Variants in FAM3C observed in about 807,000 individuals in gnomAD.
FAM3C encodes the protein FAM3 metabolism regulating signaling molecule C.
A neutral mutation model predicts 32.5 loss-of-function variants in FAM3C; 15 were observed. The ratio of observed to expected loss-of-function variants is 0.46; its 90% CI spans 0.31 to 0.71. FAM3C has a LOEUF of 0.71. Among genes scored for constraint, FAM3C ranks in the 30% least tolerant of loss-of-function variants. The probability of loss-of-function intolerance (pLI) is 0.05; values close to 1 mark genes in which losing one functional copy is unlikely to be tolerated. For synonymous variants in FAM3C, 75 were observed against 86.1 expected, an observed-to-expected ratio of 0.87 and a Z score of 0.72; for missense variants, 175 against 274.4, an observed-to-expected ratio of 0.64 and a Z score of 2.56.
intron 8 of FAM3C, among the ~76,000 whole-genome samples, chr7:121,357,749 ACT>A (rs1162127700): frequency 6.6e-6 from 1 of 152,078 alleles, no homozygotes; most frequent in Non-Finnish European, 1.5e-5. Context: ...TAGAGGTTGA[ACT>A]CTCTTCCAAA....
chr7:121,374,868 T>C (rs191897579), intron 3 of FAM3C, among the ~76,000 whole-genome samples: 21 of 152,348 alleles, frequency 1.4e-4, no homozygotes, highest in African/African-American at 4.1e-4. Flanking sequence ...CGTTTGTTCA[T>C]AGCTGACTAC....
At chr7:121,374,786 C>T (rs1457879844) in intron 3 of FAM3C, among the ~76,000 whole-genome samples, 1 of 152,186 alleles carries the variant, frequency 6.6e-6, no homozygotes, top group South Asian at 2.1e-4. Context: ...AAAATGCACA[C>T]AAAAACACTT....
At chr7:121,361,744 C>T (rs1035340355) in intron 7 of FAM3C, among the ~76,000 whole-genome samples, 3 of 152,270 alleles carry the variant, frequency 2.0e-5, no homozygotes, top group Non-Finnish European at 2.9e-5. Context: ...GGCAAGATCT[C>T]GGCTCACCGC....
intron 8 of FAM3C, among the ~76,000 whole-genome samples, chr7:121,354,271 T>C (rs969970864): frequency 6.6e-6 from 1 of 152,240 alleles, no homozygotes; most frequent in Non-Finnish European, 1.5e-5. Flanking sequence ...TCTGAGTTTG[T>C]TACATATATT....
chr7:121,391,367 T>C (rs952519157), intron 1 of FAM3C, among the ~76,000 whole-genome samples: 2 of 152,184 alleles, frequency 1.3e-5, no homozygotes, highest in Non-Finnish European at 2.9e-5. Flanking sequence ...GAAATAGCTA[T>C]TCTTAGAAAC....
intron 8 of FAM3C, among the ~76,000 whole-genome samples, chr7:121,358,857 T>C (rs2116881790): frequency 6.6e-6 from 1 of 151,922 alleles, no homozygotes; most frequent in South Asian, 2.1e-4. Flanking sequence ...TAAAAGCAAA[T>C]AATGTACAAT....
chr7:121,356,256 T>G (rs966874775), intron 8 of FAM3C, among the ~76,000 whole-genome samples: 1 of 152,202 alleles, frequency 6.6e-6, no homozygotes, highest in Non-Finnish European at 1.5e-5. Context: ...TGTGTTTGAT[T>G]TGATGCATTC....
chr7:121,395,952 G>A (rs1390169275), intron 1 of FAM3C, among the ~76,000 whole-genome samples: 2 of 151,368 alleles, frequency 1.3e-5, no homozygotes, highest in Non-Finnish European at 3.0e-5. Context: ...CGGGAACCCC[G>A]GCCAGCGGCT....
At chr7:121,356,619 T>C (rs958969491) in intron 8 of FAM3C, among the ~76,000 whole-genome samples, 1 of 152,184 alleles carries the variant, frequency 6.6e-6, no homozygotes, top group Non-Finnish European at 1.5e-5. Flanking sequence ...GGGTGTTAAG[T>C]AGAGGTATTC....
chr7:121,379,408 G>A (rs73440259), intron 2 of FAM3C, among the ~76,000 whole-genome samples: 2,212 of 151,926 alleles, frequency 0.015, 46 homozygotes, highest in African/African-American at 0.049. Context: ...CAAAAACAGT[G>A]GAACTTCTGG....
intron 3 of FAM3C, among the ~76,000 whole-genome samples, chr7:121,372,718 T>G (rs2707463): frequency 0.25 from 38,695 of 152,044 alleles, 5,873 homozygotes; most frequent in African/African-American, 0.43. Context: ...ATAATTATAG[T>G]AGGGCTTTTT....
chr7:121,386,674 TACAC>T (rs749771631), intron 1 of FAM3C, among the ~76,000 whole-genome samples: 2 of 141,014 alleles, frequency 1.4e-5, no homozygotes, highest in Non-Finnish European at 3.0e-5. Context: ...TATCTATACA[TACAC>T]ACACACACGC....
intron 1 of FAM3C, among the ~76,000 whole-genome samples, chr7:121,386,735 A>G (rs771298491): frequency 2.0e-5 from 3 of 151,698 alleles, no homozygotes; most frequent in Non-Finnish European, 2.9e-5. Context: ...GTTTTTCTAT[A>G]GAACTCAGAC....
intron 3 of FAM3C, among the ~76,000 whole-genome samples, chr7:121,373,114 C>G (rs1010714706): frequency 6.6e-6 from 1 of 152,082 alleles, no homozygotes; most frequent in Non-Finnish European, 1.5e-5. Context: ...GAAACCTTAT[C>G]TACACTTTAC....
At chr7:121,382,187 T>A (rs1287753972) in intron 2 of FAM3C, among the ~76,000 whole-genome samples, 1 of 152,114 alleles carries the variant, frequency 6.6e-6, no homozygotes, top group African/African-American at 2.4e-5. Flanking sequence ...CAGGAAGAGG[T>A]CATCAGCCCC....
intron 7 of FAM3C, chr7:121,362,666 G>T: frequency 4.5e-6 from 2 of 444,608 alleles, no homozygotes; most frequent in East Asian, 4.1e-5. Context: ...TCTCAATTTT[G>T]ATATTACTAT....
At chr7:121,351,994 A>G (rs1793716321) in intron 8 of FAM3C, among the ~76,000 whole-genome samples, 1 of 152,212 alleles carries the variant, frequency 6.6e-6, no homozygotes, top group South Asian at 2.1e-4. Context: ...AACTCAGAAC[A>G]TAAATGGTAG....
At chr7:121,394,027 A>C (rs927473075) in intron 1 of FAM3C, among the ~76,000 whole-genome samples, 2 of 152,252 alleles carry the variant, frequency 1.3e-5, no homozygotes, top group African/African-American at 4.8e-5. Flanking sequence ...AGCTTTAAGA[A>C]ATGGGCATAA....
In FAM3C at chr7:121,350,473, C is replaced by G. The variant is rs371158857; in HGVS notation, c.672G>C (p.Gln224His). 2.5e-6 allele frequency: 4 copies of G among 1,611,614 alleles called. No individual in the cohort carries two copies. The highest frequency in any genetic ancestry group is 2.2e-5 in the East Asian group (1 of 44,844). Residue 224 changes from glutamine (Q) to histidine (H), a missense_variant, in exon 10 of 10, where the codon CAG becomes CAC. Gln to His is a conservative substitution (Grantham distance 24). Transcript: ENST00000359943. ...CTCCACATTTCCATTAGTCTTGCTTCTGGGGGATGCATCCTTCCATTTCTA... is the reference window on the plus strand; with the variant it reads ...CTCCACATTTCCATTAGTCTTGCTTGTGGGGGATGCATCCTTCCATTTCTA... ...EVVEMEGCIP[Q>H]KQD
Sources: gnomAD v4.1 joint callset for allele counts (sites outside exome capture counted in the v4.1 genomes callset) on GRCh38, gnomAD v4.1.1 for gene constraint, MANE v1.5 for transcripts, NCBI Gene and HGNC (gene_info 2026-07-23, HGNC 2026-07-21) for gene names.